Variants in TENT5B observed in about 807,000 individuals in gnomAD.
TENT5B encodes terminal nucleotidyltransferase 5B, also known as family with sequence similarity 46 member B.
In TENT5B, 12 loss-of-function variants were observed where a neutral mutation model predicts 21.7. The ratio of observed to expected loss-of-function variants is 0.55; its 90% CI spans 0.36 to 0.90. The LOEUF is 0.90. TENT5B is among the 40% of genes least tolerant of loss of function. The pLI is 0.01. For missense variants in TENT5B, 540 were observed against 601.5 expected (o/e 0.90, Z 1.07); for synonymous variants, 262 against 266.6 (o/e 0.98, Z 0.17).
chr1:27,005,657 G>T lies in TENT5B; in HGVS notation c.*287C>A. 2.4e-6 allele frequency: 1 copy of T among 415,344 alleles called. No homozygotes were observed. The highest frequency in any genetic ancestry group is 4.3e-6 in the Non-Finnish European group (1 of 234,632). 25.7% of individuals were successfully genotyped at this position (415,344 alleles called of 1,614,324 possible). On this transcript the variant is annotated 3_prime_UTR_variant, in exon 2 of 2. Coordinates refer to ENST00000289166, the MANE Select transcript of TENT5B (RefSeq NM_052943.4). ...CCACCCCAAACTTGCTTTGTCTCCT[G>T]AAGGAAATTGACTTCCAAGACAAAT...
At chr1:27,008,334 G>A (rs1015026975) in intron 1 of TENT5B, among the ~76,000 whole-genome samples, 1 of 152,144 alleles carries the variant, frequency 6.6e-6, no homozygotes, top group African/African-American at 2.4e-5. Context: ...TGCCTCCCAG[G>A]GAATTACTAC....
rs1469311798 is a variant in TENT5B, at chr1:27,006,187, T to C, written c.1035A>G (p.Thr345=). 2 of 1,612,122 alleles carry C rather than the reference T, an allele frequency of 1.2e-6. No homozygotes were observed. The highest frequency in any genetic ancestry group is 2.7e-5 in the African/African-American group (2 of 74,918). The change falls in exon 2 of 2, where the codon ACA becomes ACG. Residue 345 remains threonine (T), a synonymous_variant. Transcript: ENST00000289166. The surrounding 1 kb of genome is among the most constrained non-coding windows in gnomAD (Gnocchi z 9.4). ...TGCTCTCGTTGACCACCCGGTGCAG[T>C]GTCACCAGGCAGGCGTAACGGCGGG... is the stretch of plus-strand genomic sequence containing the variant. ...DAARRYACLV[T]LHRVVNESTV...
intron 1 of TENT5B, among the ~76,000 whole-genome samples, chr1:27,008,974 C>CTT (rs1557703526): frequency 4.7e-5 from 5 of 106,406 alleles, no homozygotes; most frequent in African/African-American, 2.0e-4. Flanking sequence ...TTCCTCCATC[C>CTT]TTCTTTTTTT....
chr1:27,012,564 G>C lies in TENT5B; in HGVS notation c.107C>G (p.Pro36Arg). 5 of 1,565,822 alleles carry C rather than the reference G, an allele frequency of 3.2e-6. No individual in the cohort carries two copies. Among genetic ancestry groups the C allele is most frequent in the East Asian group, 2.3e-5 (1 of 42,824 alleles). The stretch of plus-strand genomic sequence containing the variant: ...GAAGGCCGATAAGGCCTCCGGGTCG[G>C]GGCCGCCGCCTGCCGGGGCTGCCGT... ...VATAAPAGGG[P>R]DPEALSAFPG... Residue 36 changes from proline to arginine, a missense_variant, in exon 1 of 2, where the codon CCC (proline) becomes CGC (arginine). Physicochemically the swap from Pro to Arg is moderately radical, Grantham distance 103. Coordinates refer to ENST00000289166, the MANE Select transcript of TENT5B (RefSeq NM_052943.4).
intron 1 of TENT5B, among the ~76,000 whole-genome samples, chr1:27,007,223 A>G (rs995680644): frequency 6.6e-5 from 10 of 152,098 alleles, no homozygotes; most frequent in Admixed American, 2.0e-4. Context: ...ACACATCTGC[A>G]TAGAATTTAC....
rs1232364877 is a variant in TENT5B at position 27,012,418 on chromosome 1, G to A, written c.253C>T (p.Gln85Ter). The A allele has an allele frequency of 6.2e-7, 1 of 1,612,562 alleles. No homozygotes were observed. Among genetic ancestry groups the A allele is most frequent in the African/African-American group, 1.3e-5 (1 of 74,932 alleles). ...TGGCGTCCTCTCACCTGCACGATCT[G>A]CCGGGGCTGCACGCTCAGCGTGGGG... is the stretch of plus-strand genomic sequence containing the variant. ...NFPTLSVQPR[Q>*]IVQVVRSTLE... Residue 85 changes from glutamine (Q) to a stop codon, truncating the protein, a stop_gained, in exon 1 of 2, where the codon CAG (glutamine) becomes TAG (stop). Coordinates refer to ENST00000289166, the MANE Select transcript of TENT5B (RefSeq NM_052943.4). LOFTEE classifies it high-confidence loss of function.
At position 27,006,193 on chromosome 1, in the gene TENT5B, C is replaced by T; in HGVS notation, c.1029G>A (p.Leu343=). The T allele has an allele frequency of 6.2e-7, 1 of 1,612,288 alleles. No homozygotes were observed. The highest frequency in any genetic ancestry group is 8.5e-7 in the Non-Finnish European group (1 of 1,179,546). The change falls in exon 2 of 2, where the codon CTG becomes CTA. Residue 343 remains leucine (L), a synonymous_variant. Transcript: ENST00000289166. This position sits in a 1 kb window ranked among gnomAD's most constrained non-coding sequence, Gnocchi z 9.4. ...GADAARRYAC[L]VTLHRVVNES... ...CGTTGACCACCCGGTGCAGTGTCAC[C>T]AGGCAGGCGTAACGGCGGGCTGCAT... is the stretch of plus-strand genomic sequence containing the variant.
In TENT5B at chr1:27,012,656, C is replaced by A; in HGVS notation, c.15G>T (p.Glu5Asp). The change falls in exon 1 of 2, where the codon GAG becomes GAT. Residue 5 changes from glutamate to aspartate, a missense_variant. Physicochemically the swap from Glu to Asp is conservative, Grantham distance 45. Coordinates refer to ENST00000289166, the MANE Select transcript of TENT5B (RefSeq NM_052943.4). ...CCCGGTCCCTGCGCTCAGCTCCGCT[C>A]TCCGACGGCATCATCCGCCCGGCCC... MMPS[E>D]SGAERRDRAA... is the part of the protein sequence containing the mutation. 1.4e-6 allele frequency: 2 copies of A among 1,472,664 alleles called. No individual in the cohort carries two copies. The highest frequency in any genetic ancestry group is 2.6e-5 in the South Asian group (2 of 75,596). The allele number at this position is 1,472,664 out of a possible 1,614,324, so 91.2% of individuals were successfully genotyped here.
chr1:27,012,677 G>C lies in TENT5B; in HGVS notation c.-7C>G. 1 of 1,454,972 alleles carries C rather than the reference G, an allele frequency of 6.9e-7. No individual in the cohort carries two copies. The highest frequency in any genetic ancestry group is 8.9e-7 in the Non-Finnish European group (1 of 1,118,360). 90.1% of individuals were successfully genotyped at this position (1,454,972 alleles called of 1,614,324 possible). ...CGCTCTCCGACGGCATCATCCGCCC[G>C]GCCCCCGGGCCCCGACGGCAGAAAC... On this transcript the variant is annotated 5_prime_UTR_variant, in exon 1 of 2. Transcript: ENST00000289166.
At position 27,006,395 on chromosome 1, in the gene TENT5B, C is replaced by T; in HGVS notation, c.827G>A (p.Gly276Asp). Residue 276 changes from glycine to aspartate, a missense_variant, in exon 2 of 2, where the codon GGT becomes GAT. Coordinates refer to ENST00000289166, the MANE Select transcript of TENT5B (RefSeq NM_052943.4). The surrounding 1 kb of genome is among the most constrained non-coding windows in gnomAD (Gnocchi z 9.4). ...IATRSPEEIR[G>D]GGLLKYCHLL... Reference sequence around the variant, plus strand: ...GTGGCAGTACTTGAGGAGGCCACCACCTCGGATCTCCTCGGGACTGCGCGT... The same window carrying T: ...GTGGCAGTACTTGAGGAGGCCACCATCTCGGATCTCCTCGGGACTGCGCGT... The T allele has an allele frequency of 6.2e-7, 1 of 1,613,004 alleles. No homozygotes were observed. Among genetic ancestry groups the T allele is most frequent in the Non-Finnish European group, 8.5e-7 (1 of 1,179,680 alleles).
intron 1 of TENT5B, among the ~76,000 whole-genome samples, chr1:27,011,354 C>T (rs547514821): frequency 3.3e-5 from 5 of 152,186 alleles, no homozygotes; most frequent in Non-Finnish European, 5.9e-5. Context: ...GGCAGGAACG[C>T]ACAGGAGTCC....
chr1:27,006,980 G>T lies in TENT5B; in HGVS notation c.265-23C>A. 1 of 1,547,104 alleles carries T rather than the reference G, an allele frequency of 6.5e-7. No homozygotes were observed. Among genetic ancestry groups the T allele is most frequent in the Non-Finnish European group, 8.7e-7 (1 of 1,145,110 alleles). The stretch of plus-strand genomic sequence containing the variant: ...CACCTGCAGGGGAGAGCAGGAAGGA[G>T]AGGTGTCAGGAGCGGGCCTCAGGGG... On this transcript the variant is annotated intron_variant, in intron 1 of 1. Coordinates refer to ENST00000289166, the MANE Select transcript of TENT5B (RefSeq NM_052943.4). The surrounding 1 kb of genome is among the most constrained non-coding windows in gnomAD (Gnocchi z 9.4).
Position 27,006,680 on chromosome 1 carries a change from C to T in TENT5B, c.542G>A (p.Cys181Tyr), listed in dbSNP as rs1331117019. Residue 181 changes from cysteine to tyrosine, a missense_variant, in exon 2 of 2, where the codon TGC becomes TAC. By Grantham distance (194) the Cys-to-Tyr change is radical (BLOSUM62 -2). Transcript: ENST00000289166. The surrounding 1 kb of genome is among the most constrained non-coding windows in gnomAD (Gnocchi z 9.4). ...EAYVQKLVKVCTDSDRWSLIS... is the reference protein window; with the variant it reads ...EAYVQKLVKVYTDSDRWSLIS... Reference sequence around the variant, plus strand: ...GAGGCTCCAGCGGTCCGAGTCTGTGCACACTTTCACCAGCTTCTGCACGTA... The same window carrying T: ...GAGGCTCCAGCGGTCCGAGTCTGTGTACACTTTCACCAGCTTCTGCACGTA... 1.2e-6 allele frequency: 2 copies of T among 1,614,172 alleles called. No individual in the cohort carries two copies. Among genetic ancestry groups the T allele is most frequent in the Admixed American group, 1.7e-5 (1 of 60,028 alleles).
chr1:27,012,664 GCAT>G lies in TENT5B; in HGVS notation c.4_6del (p.Met2del). On this transcript the variant is annotated inframe_deletion, in exon 1 of 2. Coordinates refer to ENST00000289166, the MANE Select transcript of TENT5B (RefSeq NM_052943.4). ...CTGCGCTCAGCTCCGCTCTCCGACG[GCAT>G]CATCCGCCCGGCCCCCGGGCCCCGA... The G allele has an allele frequency of 6.8e-7, 1 of 1,464,800 alleles. No homozygotes were observed. The highest frequency in any genetic ancestry group is 1.3e-5 in the South Asian group (1 of 74,520). 90.7% of individuals were successfully genotyped at this position (1,464,800 alleles called of 1,614,324 possible). A position where few individuals can be genotyped will look rare whatever the true frequency, so the allele number is the denominator to read the frequency against.
intron 1 of TENT5B, among the ~76,000 whole-genome samples, chr1:27,012,157 G>A (rs1236444941): frequency 6.6e-6 from 1 of 152,128 alleles, no homozygotes; most frequent in East Asian, 1.9e-4. Context: ...TCCCAGCCAG[G>A]CCCTGGGTGA....
rs761490435 is a variant in TENT5B at position 27,006,209 on chromosome 1, C to G, written c.1013G>C (p.Arg338Pro). Reference protein sequence around the residue: ...EAHFGGADAARRYACLVTLHR... With the variant: ...EAHFGGADAAPRYACLVTLHR... ...CAGTGTCACCAGGCAGGCGTAACGGCGGGCTGCATCTGCCCCACCGAAGTG... is the reference window on the plus strand; with the variant it reads ...CAGTGTCACCAGGCAGGCGTAACGGGGGGCTGCATCTGCCCCACCGAAGTG... Residue 338 changes from arginine (R) to proline (P), a missense_variant, in exon 2 of 2, where the codon CGC (arginine) becomes CCC (proline). Coordinates refer to ENST00000289166, the MANE Select transcript of TENT5B (RefSeq NM_052943.4). The surrounding 1 kb of genome is among the most constrained non-coding windows in gnomAD (Gnocchi z 9.4). 4 of 1,609,452 alleles carry G rather than the reference C, an allele frequency of 2.5e-6. No homozygotes were observed. The highest frequency in any genetic ancestry group is 3.4e-6 in the Non-Finnish European group (4 of 1,178,646).
rs910715789 is a variant in TENT5B at position 27,012,768 on chromosome 1, G to A, written c.-98C>T. The A allele has an allele frequency of 7.3e-5, 97 of 1,334,488 alleles. No individual in the cohort carries two copies. Among genetic ancestry groups the A allele is most frequent in the Non-Finnish European group, 8.4e-5 (87 of 1,036,234 alleles). 82.7% of individuals were successfully genotyped at this position (1,334,488 alleles called of 1,614,324 possible). A position where few individuals can be genotyped will look rare whatever the true frequency, so the allele number is the denominator to read the frequency against. The stretch of plus-strand genomic sequence containing the variant: ...GGGCAGGGGCCAAGGCGGGGGGCAC[G>A]AAGGCAGGGACGGGGCGGCAACGAC... On this transcript the variant is annotated 5_prime_UTR_variant, in exon 1 of 2. Transcript: ENST00000289166.
intron 1 of TENT5B, among the ~76,000 whole-genome samples, 187 bp from the exon 2 acceptor site, chr1:27,007,144 C>T (rs571229477): frequency 5.3e-5 from 8 of 151,716 alleles, no homozygotes; most frequent in African/African-American, 1.9e-4. Flanking sequence ...AGTCATTTAA[C>T]TCTTTAAACC....
chr1:27,009,196 C>T (rs1017135196), intron 1 of TENT5B, among the ~76,000 whole-genome samples: 16 of 151,338 alleles, frequency 1.1e-4, no homozygotes, highest in Admixed American at 1.1e-3. Flanking sequence ...CTCGAACTCC[C>T]GGACTCAAGC....
Sources: gnomAD v4.1 joint callset for allele counts (sites outside exome capture counted in the v4.1 genomes callset) on GRCh38, gnomAD v4.1.1 for gene constraint, Gnocchi (gnomAD v3.1) non-coding constraint, MANE v1.5 for transcripts, NCBI Gene and HGNC (gene_info 2026-07-23, HGNC 2026-07-21) for gene names.